The following SLC26A5 variants were observed in gnomAD, a reference collection of about 807,000 sequenced individuals.
The protein encoded by SLC26A5 is solute carrier family 26 member 5.
Under a neutral mutation model 81.0 loss-of-function variants are expected in SLC26A5, and 51 were observed. That is an observed-to-expected ratio of 0.63 (90% CI 0.50 to 0.80). The LOEUF (loss-of-function observed/expected upper bound fraction) is 0.80. Ranked by LOEUF, SLC26A5 falls within the 30% of genes least tolerant of loss-of-function variation. The pLI is 0.00. For missense variants in SLC26A5, 771 were observed against 905.8 expected (o/e 0.85, Z 1.91); for synonymous variants, 325 against 332.8 (o/e 0.98, Z 0.25).
Position 103,378,512 on chromosome 7 carries a change from C to T in SLC26A5, c.1719G>A (p.Lys573=), listed in dbSNP as rs1821525877. The T allele has an allele frequency of 6.2e-7, 1 of 1,614,054 alleles. No individual in the cohort carries two copies. The highest frequency in any genetic ancestry group is 8.5e-7 in the Non-Finnish European group (1 of 1,180,022). ...NPAVIMGARR[K]AMRKYAKEVG... is the part of the protein sequence containing the mutation. Reference sequence around the variant, plus strand: ...CTTCCTTAGCGTACTTCCGCATGGCCTTTCTCCTTGCTCCCATGATGACTG... The same window carrying T: ...CTTCCTTAGCGTACTTCCGCATGGCTTTTCTCCTTGCTCCCATGATGACTG... The change falls in exon 17 of 20, where the codon AAG becomes AAA. Residue 573 remains lysine (K), a synonymous_variant. Transcript: ENST00000306312.
Position 103,411,431 on chromosome 7 carries a change from C to T in SLC26A5, c.559G>A (p.Gly187Arg). Residue 187 changes from glycine (G) to arginine (R), a missense_variant, in exon 6 of 20, where the codon GGA becomes AGA. Gly to Arg is a moderately radical substitution (Grantham distance 125, BLOSUM62 -2). Transcript: ENST00000306312. ...KVAMSVTLLS[G>R]IIQFCLGVCR... Reference sequence around the variant, plus strand: ...TCTTTGAGCCTTACCTGAATGATTCCTGAAAGTAAGGTCACAGACATGGCG... The same window carrying T: ...TCTTTGAGCCTTACCTGAATGATTCTTGAAAGTAAGGTCACAGACATGGCG... 6.2e-7 allele frequency: 1 copy of T among 1,614,136 alleles called. No homozygotes were observed. The highest frequency in any genetic ancestry group is 1.1e-5 in the South Asian group (1 of 91,074).
intron 8 of SLC26A5, among the ~76,000 whole-genome samples, chr7:103,398,464 T>G (rs922331030): frequency 7.9e-5 from 12 of 152,188 alleles, no homozygotes; most frequent in African/African-American, 2.9e-4. Flanking sequence ...TGATCCTGTT[T>G]CTGGGACAGC....
intron 19 of SLC26A5, among the ~76,000 whole-genome samples, chr7:103,360,223 A>G (rs1278204726): frequency 6.6e-6 from 1 of 152,092 alleles, no homozygotes; most frequent in Non-Finnish European, 1.5e-5. Flanking sequence ...TTTGCATCTC[A>G]TAACTTTTTG....
Position 103,378,614 on chromosome 7 carries a change from C to G in SLC26A5, c.1678-61G>C. 2.2e-6 allele frequency: 3 copies of G among 1,394,664 alleles called. No individual in the cohort carries two copies. In the South Asian group the frequency reaches 3.5e-5, roughly 16 times the overall value. The allele number at this position is 1,394,664 out of a possible 1,614,324, so 86.4% of individuals were successfully genotyped here. A position where few individuals can be genotyped will look rare whatever the true frequency, so the allele number is the denominator to read the frequency against. On this transcript the variant is annotated intron_variant, in intron 16 of 19. Transcript: ENST00000306312. The stretch of plus-strand genomic sequence containing the variant: ...TGGCTCTCAGGGACCCACCCCAATG[C>G]CACTCCCCTTCAAATCTCCCCATTT...
chr7:103,390,849 C>T (rs1241657231), intron 11 of SLC26A5, among the ~76,000 whole-genome samples: 2 of 151,458 alleles, frequency 1.3e-5, no homozygotes, highest in Admixed American at 1.3e-4. Context: ...AGCCAGTAGC[C>T]ACATGTGGCC....
At chr7:103,433,259 G>T (rs754389912) in intron 2 of SLC26A5, among the ~76,000 whole-genome samples, 1 of 152,136 alleles carries the variant, frequency 6.6e-6, no homozygotes, top group African/African-American at 2.4e-5. Context: ...GGCTTGGGCT[G>T]CATGTAGGAT....
chr7:103,390,350 G>T, intron 12 of SLC26A5, 79 bp downstream of exon 12: 3 of 1,268,442 alleles, frequency 2.4e-6, no homozygotes, highest in Non-Finnish European at 3.5e-6. Flanking sequence ...CCCTAATATA[G>T]CCATAAGAAC....
At position 103,440,964 on chromosome 7, in the gene SLC26A5, C is replaced by G. The variant is rs116281792; in HGVS notation, c.-54+2119G>C. 7.2e-3 allele frequency among the ~76,000 whole-genome samples: 1,093 copies of G among 152,274 alleles called. 11 individuals are homozygous for G. The highest frequency in any genetic ancestry group is 0.025 in the African/African-American group (1,051 of 41,548). ...TGCCAGTTCACCCCTGGAGACAGCA[C>G]TGCATGCACTGTGTATGGAAGGCTG... On this transcript the variant is annotated intron_variant, in intron 2 of 19. Coordinates refer to ENST00000306312, the MANE Select transcript of SLC26A5 (RefSeq NM_198999.3).
intron 4 of SLC26A5, among the ~76,000 whole-genome samples, chr7:103,416,024 G>C (rs1357726116): frequency 6.6e-6 from 1 of 152,166 alleles, no homozygotes; most frequent in African/African-American, 2.4e-5. Context: ...TTCCAACCCT[G>C]ACTAAATATT....
chr7:103,380,472 G>C lies in SLC26A5; in HGVS notation c.1584+8C>G, dbSNP rs774382160. The C allele has an allele frequency of 6.2e-7, 1 of 1,611,250 alleles. No individual in the cohort carries two copies. Among genetic ancestry groups the C allele is most frequent in the African/African-American group, 1.3e-5 (1 of 74,820 alleles). Reference sequence around the variant, plus strand: ...ACAACCTTTTTAAGTGATAGAAAAAGGTCCTACCTCCTCATATGCGTCTAT... The same window carrying C: ...ACAACCTTTTTAAGTGATAGAAAAACGTCCTACCTCCTCATATGCGTCTAT... On this transcript the variant is annotated splice_region_variant and intron_variant, in intron 15 of 19. Transcript: ENST00000306312.
chr7:103,406,454 G>A (rs770220511), intron 8 of SLC26A5, among the ~76,000 whole-genome samples: 5 of 152,114 alleles, frequency 3.3e-5, no homozygotes, highest in Admixed American at 6.5e-5. Flanking sequence ...GACCCCTTGC[G>A]CTTCCTGGGT....
At chr7:103,361,402 C>CACCTGTAATCCCAGCAACTT (rs1820395430) in intron 19 of SLC26A5, among the ~76,000 whole-genome samples, 2 of 138,842 alleles carry the variant, frequency 1.4e-5, no homozygotes, top group African/African-American at 5.4e-5. Context: ...CCCAGCTACT[C>CACCTGTAATCCCAGCAACTT]GGGAGGCTGA....
At chr7:103,396,892 C>T (rs61613960) in intron 9 of SLC26A5, among the ~76,000 whole-genome samples, 3,459 of 142,774 alleles carry the variant, frequency 0.024, 121 homozygotes, top group African/African-American at 0.083. Context: ...GTCAGGAGTT[C>T]GAGACCAGCC....
At chr7:103,378,362 G>T in intron 17 of SLC26A5, 84 bp downstream of exon 17, 1 of 1,316,022 alleles carries the variant, frequency 7.6e-7, no homozygotes, top group Non-Finnish European at 1.1e-6. Flanking sequence ...ACTTCGTGCT[G>T]TGTTTAAACT....
intron 14 of SLC26A5, among the ~76,000 whole-genome samples, chr7:103,385,560 T>A (rs930296336): frequency 6.6e-6 from 1 of 152,074 alleles, no homozygotes; most frequent in Non-Finnish European, 1.5e-5. Context: ...ACACATACCC[T>A]GAGTGCTGAT....
intron 8 of SLC26A5, among the ~76,000 whole-genome samples, chr7:103,404,379 G>T (rs1466302936): frequency 6.6e-6 from 1 of 152,132 alleles, no homozygotes; most frequent in African/African-American, 2.4e-5. Context: ...GGCAGGCCTG[G>T]TGGTGACAAA....
At position 103,420,797 on chromosome 7, in the gene SLC26A5, T is replaced by A. The variant is rs773964486; in HGVS notation, c.233A>T (p.Glu78Val). The A allele has an allele frequency of 2.5e-6, 4 of 1,614,156 alleles. No homozygotes were observed. The South Asian group carries it at 3.3e-5, about 13-fold the overall frequency. Residue 78 changes from glutamate to valine, a missense_variant, in exon 4 of 20, where the codon GAA (glutamate) becomes GTA (valine). Glu to Val is a moderately radical substitution (Grantham distance 121). Transcript: ENST00000306312. ...TKWLPAYKFK[E>V]YVLGDLVSGI... is the part of the protein sequence containing the mutation. ...TGAGACCAAGTCACCCAACACATAT[T>A]CCTTGAATTTGTATGCTGGCAGCCA...
intron 19 of SLC26A5, chr7:103,362,174 G>A: frequency 1.3e-6 from 2 of 1,571,466 alleles, no homozygotes; most frequent in Non-Finnish European, 1.7e-6. Flanking sequence ...GTGAATAAAT[G>A]GACTGAGTTC....
chr7:103,428,544 C>A (rs1825851878), intron 2 of SLC26A5, among the ~76,000 whole-genome samples: 1 of 147,384 alleles, frequency 6.8e-6, no homozygotes, highest in African/African-American at 2.5e-5. Context: ...AACACAAGGT[C>A]TACCCTGCCA....
Sources: allele counts gnomAD v4.1 joint callset (sites outside exome capture counted in the v4.1 genomes callset), GRCh38; gene constraint gnomAD v4.1.1; transcripts MANE v1.5; gene names NCBI Gene and HGNC (gene_info 2026-07-23, HGNC 2026-07-21).